The following SLC22A25 variants were observed in gnomAD, a reference collection of about 807,000 sequenced individuals.
SLC22A25 encodes the protein solute carrier family 22 member 25, also known as MGI:2442751, MGI:2385316, MGI:3042283, MGI:3645714, MGI:3605624, MGI:2442750.
In SLC22A25, 44 loss-of-function variants were observed where a neutral mutation model predicts 45.9. That is an observed-to-expected ratio of 0.96 (90% CI 0.75 to 1.23). SLC22A25 has a LOEUF of 1.23. Among genes scored for constraint, SLC22A25 ranks in the 50% most tolerant of loss-of-function variants. The pLI is 0.00. For synonymous variants in SLC22A25, 283 were observed against 238.6 expected (o/e 1.19, Z -1.72); for missense variants, 800 against 666.4 (o/e 1.20, Z -2.21).
chr11:63,214,464 T>C (rs540412935), intron 7 of SLC22A25, among the ~76,000 whole-genome samples: 1 of 152,264 alleles, frequency 6.6e-6, no homozygotes, highest in South Asian at 2.1e-4. Flanking sequence ...GAAAACCCAA[T>C]TCCCCCTGAG....
At chr11:63,205,672 A>C (rs1329037503) in intron 7 of SLC22A25, among the ~76,000 whole-genome samples, 1 of 152,172 alleles carries the variant, frequency 6.6e-6, no homozygotes, top group African/African-American at 2.4e-5. Context: ...ATAGCCTACC[A>C]ACCAACCAAA....
chr11:63,187,701 T>A (rs1400835231), intron 7 of SLC22A25, among the ~76,000 whole-genome samples: 5 of 152,356 alleles, frequency 3.3e-5, no homozygotes, highest in Admixed American at 1.3e-4. Context: ...TAGCTCTTAT[T>A]ATTTTGAGAT....
At chr11:63,218,551 T>A (rs534840619) in intron 5 of SLC22A25, among the ~76,000 whole-genome samples, 1 of 152,302 alleles carries the variant, frequency 6.6e-6, no homozygotes, top group African/African-American at 2.4e-5. Flanking sequence ...TAACATACAG[T>A]GCACCATGAA....
intron 7 of SLC22A25, among the ~76,000 whole-genome samples, chr11:63,213,275 C>T (rs1427381956): frequency 6.6e-6 from 1 of 152,140 alleles, no homozygotes; most frequent in Non-Finnish European, 1.5e-5. Context: ...AAAAGGCCTT[C>T]AAGGATATAA....
Position 63,163,750 on chromosome 11 carries a change from T to C in SLC22A25, c.*74A>G. ...ACCAAAGGCAAAGGCACTGACTACA[T>C]GGGAATAGCCCAGATCTAAGCCTTT... On this transcript the variant is annotated 3_prime_UTR_variant, in exon 12 of 12. Transcript: ENST00000306494. 6.5e-7 allele frequency: 1 copy of C among 1,530,462 alleles called. No homozygotes were observed. The highest frequency in any genetic ancestry group is 2.3e-5 in the East Asian group (1 of 44,276). 94.8% of individuals were successfully genotyped at this position (1,530,462 alleles called of 1,614,324 possible).
chr11:63,192,891 T>A lies in SLC22A25; in HGVS notation c.831-9074A>T, dbSNP rs2317090. Among the ~76,000 whole-genome samples, 1,179 of 151,938 alleles carry A rather than the reference T, an allele frequency of 7.8e-3. 19 individuals are homozygous for A. The highest frequency in any genetic ancestry group is 0.026 in the African/African-American group (1,072 of 41,448). On this transcript the variant is annotated intron_variant, in intron 7 of 11. Coordinates refer to ENST00000306494, the MANE Select transcript of SLC22A25 (RefSeq NM_199352.6). ...ATTCCCACACAATAAGAGTGGGAGA[T>A]TTTAACACTCCACTGACAATATTAG...
At chr11:63,185,414 T>G (rs1488663006) in intron 7 of SLC22A25, among the ~76,000 whole-genome samples, 1 of 152,044 alleles carries the variant, frequency 6.6e-6, no homozygotes, top group Non-Finnish European at 1.5e-5. Flanking sequence ...TGCGATAGTT[T>G]GCTGAGAATG....
At chr11:63,213,639 A>G (rs1446897720) in intron 7 of SLC22A25, among the ~76,000 whole-genome samples, 1 of 152,170 alleles carries the variant, frequency 6.6e-6, no homozygotes, top group Non-Finnish European at 1.5e-5. Flanking sequence ...AAATCCCCAG[A>G]TAACACTAGA....
In SLC22A25 at chr11:63,231,518, T is replaced by C. The variant is rs146750240; in HGVS notation, c.-444-1422A>G. Among the ~76,000 whole-genome samples the C allele has an allele frequency of 4.6e-3, 708 of 152,330 alleles. 2 individuals are homozygous for C. Among genetic ancestry groups the C allele is most frequent in the Non-Finnish European group, 7.8e-3 (532 of 68,034 alleles). On this transcript the variant is annotated intron_variant, in intron 3 of 11. Coordinates refer to ENST00000306494, the MANE Select transcript of SLC22A25 (RefSeq NM_199352.6). ...GGGTTCTTTTTTTCTTGTAAATTTG[T>C]TGGAGTTCATTGTAGATTCTGGATA...
chr11:63,232,756 T>A (rs2090093178), intron 3 of SLC22A25, among the ~76,000 whole-genome samples: 1 of 152,232 alleles, frequency 6.6e-6, no homozygotes, highest in South Asian at 2.1e-4. Context: ...TTCAGTGTGT[T>A]ATTCACTGTG....
intron 3 of SLC22A25, among the ~76,000 whole-genome samples, chr11:63,237,357 G>A (rs1343350226): frequency 6.6e-6 from 1 of 152,138 alleles, no homozygotes; most frequent in African/African-American, 2.4e-5. Flanking sequence ...AGGTGAATAG[G>A]TTCATGTGGA....
chr11:63,203,313 A>G (rs1359936355), intron 7 of SLC22A25, among the ~76,000 whole-genome samples: 1 of 152,074 alleles, frequency 6.6e-6, no homozygotes, highest in Non-Finnish European at 1.5e-5. Context: ...GAGCTTGACA[A>G]ATGGACAGAA....
rs115943651 is a variant in SLC22A25, at chr11:63,216,509, G to A, written c.830+805C>T. Among the ~76,000 whole-genome samples, 302 of 152,180 alleles carry A rather than the reference G, an allele frequency of 2.0e-3. 1 individual carries two copies. Among genetic ancestry groups the A allele is most frequent in the African/African-American group, 6.8e-3 (282 of 41,524 alleles). Reference sequence around the variant, plus strand: ...AGTGATAGACTGGACCAAGAAAATTGGTACATATATACACCATGGAATACT... The same window carrying A: ...AGTGATAGACTGGACCAAGAAAATTAGTACATATATACACCATGGAATACT... On this transcript the variant is annotated intron_variant, in intron 7 of 11. Transcript: ENST00000306494.
chr11:63,216,670 A>T (rs2134814221), intron 7 of SLC22A25, among the ~76,000 whole-genome samples: 1 of 152,278 alleles, frequency 6.6e-6, no homozygotes, highest in African/African-American at 2.4e-5. Flanking sequence ...TGGGAGCTAA[A>T]GGTGGGAGGA....
chr11:63,219,933 A>G (rs531950400), intron 5 of SLC22A25: 1 of 1,289,268 alleles, frequency 7.8e-7, no homozygotes, highest in Admixed American at 2.3e-5. Context: ...GAGAGATACC[A>G]GAAGACGTGA....
At chr11:63,218,532 C>A (rs1395461039) in intron 5 of SLC22A25, among the ~76,000 whole-genome samples, 4 of 152,146 alleles carry the variant, frequency 2.6e-5, no homozygotes, top group Non-Finnish European at 5.9e-5. Context: ...AGAGAAATAT[C>A]TCCTGTATTA....
chr11:63,158,885 C>A lies in SLC22A25; in HGVS notation c.*4939G>T, dbSNP rs2087515465. Among the ~76,000 whole-genome samples the A allele has an allele frequency of 2.0e-5, 3 of 152,166 alleles. No homozygotes were observed. Among genetic ancestry groups the A allele is most frequent in the Non-Finnish European group, 4.4e-5 (3 of 68,026 alleles). The stretch of plus-strand genomic sequence containing the variant: ...TCCTTTTTTCCCCCCATTAACTATT[C>A]CCACTTCCCCTGAAGCACCCAATAC... On this transcript the variant is annotated 3_prime_UTR_variant, in exon 12 of 12. Transcript: ENST00000306494.
chr11:63,240,926 G>A (rs753292825), intron 1 of SLC22A25, among the ~76,000 whole-genome samples: 2 of 152,120 alleles, frequency 1.3e-5, no homozygotes, highest in Non-Finnish European at 2.9e-5. Context: ...TTCCAAACAA[G>A]CCAGCACAAA....
At position 63,183,621 on chromosome 11, in the gene SLC22A25, T is replaced by G; in HGVS notation, c.954+73A>C. 3 of 1,595,164 alleles carry G rather than the reference T, an allele frequency of 1.9e-6. No individual in the cohort carries two copies. In the South Asian group the frequency reaches 3.4e-5, roughly 18 times the overall value. On this transcript the variant is annotated intron_variant, in intron 8 of 11. Coordinates refer to ENST00000306494, the MANE Select transcript of SLC22A25 (RefSeq NM_199352.6). ...CTGTGTTTCTCTCCTTTATTCACCT[T>G]ATGAACACCAACAAGTATAGATGAC...
Sources: allele counts gnomAD v4.1 joint callset (sites outside exome capture counted in the v4.1 genomes callset), GRCh38; gene constraint gnomAD v4.1.1; transcripts MANE v1.5; gene names NCBI Gene and HGNC (gene_info 2026-07-23, HGNC 2026-07-21).